The following DLGAP1 variants were observed in gnomAD, a reference collection of about 807,000 sequenced individuals.
DLGAP1 encodes the protein DLG associated protein 1.
DLGAP1 carries 11 observed loss-of-function variants against 90.8 expected under a neutral mutation model. That is an observed-to-expected ratio of 0.12 (90% CI 0.08 to 0.20). The LOEUF (loss-of-function observed/expected upper bound fraction) is 0.20. Ranked by LOEUF, DLGAP1 falls within the 10% of genes least tolerant of loss-of-function variation. DLGAP1 has a pLI of 1.00. For missense variants in DLGAP1, 1,050 were observed against 1,333.8 expected, an observed-to-expected ratio of 0.79 and a Z score of 3.31; for synonymous variants, 558 against 540.7, an observed-to-expected ratio of 1.03 and a Z score of -0.44.
chr18:4,025,480 C>T (rs567811482), intron 2 of DLGAP1, among the ~76,000 whole-genome samples: 53 of 152,230 alleles, frequency 3.5e-4, no homozygotes, highest in Admixed American at 9.8e-4. Context: ...AGATAAGGGA[C>T]ACTCAACCTG....
intron 2 of DLGAP1, among the ~76,000 whole-genome samples, chr18:4,122,024 A>G (rs548804105): frequency 3.2e-4 from 49 of 152,194 alleles, no homozygotes; most frequent in Non-Finnish European, 6.2e-4. Flanking sequence ...TGACTCCAGC[A>G]TCTGTGAGTT....
chr18:4,264,840 T>A (rs954864055), intron 1 of DLGAP1: 1 of 152,222 alleles, frequency 6.6e-6, no homozygotes, highest in Non-Finnish European at 1.5e-5. Flanking sequence ...AGGGAGCAGA[T>A]GGCAAGGCTT....
At chr18:4,142,877 T>C (rs978958078) in intron 2 of DLGAP1, among the ~76,000 whole-genome samples, 1 of 152,178 alleles carries the variant, frequency 6.6e-6, no homozygotes, top group Admixed American at 6.5e-5. Flanking sequence ...ACAGAGGTGC[T>C]GCCTTGGTGG....
chr18:3,957,499 A>C (rs1368072972), intron 3 of DLGAP1, among the ~76,000 whole-genome samples: 1 of 152,252 alleles, frequency 6.6e-6, no homozygotes, highest in East Asian at 1.9e-4. Flanking sequence ...TCAGGGGATG[A>C]CACGTTCTAA....
chr18:3,518,569 GC>G (rs2050983758), intron 10 of DLGAP1, among the ~76,000 whole-genome samples: 1 of 151,176 alleles, frequency 6.6e-6, no homozygotes, highest in South Asian at 2.1e-4. Context: ...ATAAAGCAAT[GC>G]CAATAAAATG....
intron 4 of DLGAP1, among the ~76,000 whole-genome samples, chr18:3,826,476 C>G (rs1910870169): frequency 1.3e-5 from 2 of 152,238 alleles, no homozygotes; most frequent in South Asian, 4.2e-4. Context: ...CCTCTAGGTA[C>G]CGACTGACTG....
intron 2 of DLGAP1, among the ~76,000 whole-genome samples, chr18:4,027,666 G>T (rs1906637262): frequency 6.6e-6 from 1 of 152,108 alleles, no homozygotes; most frequent in Non-Finnish European, 1.5e-5. Context: ...GTAGGAAGAA[G>T]TGATTTCCAT....
chr18:3,596,262 C>T (rs1034900736), intron 7 of DLGAP1, among the ~76,000 whole-genome samples: 5 of 152,010 alleles, frequency 3.3e-5, no homozygotes, highest in Non-Finnish European at 1.5e-5. Flanking sequence ...CAGGTTCAAA[C>T]GATTCTCCTG....
At chr18:4,045,973 C>T (rs1221077715) in intron 2 of DLGAP1, among the ~76,000 whole-genome samples, 1 of 151,938 alleles carries the variant, frequency 6.6e-6, no homozygotes, top group African/African-American at 2.4e-5. Flanking sequence ...AAAAACCAGA[C>T]ACTACTTTAA....
chr18:3,639,818 G>A (rs1014685743), intron 7 of DLGAP1, among the ~76,000 whole-genome samples: 1 of 136,534 alleles, frequency 7.3e-6, no homozygotes, highest in Non-Finnish European at 1.5e-5. Context: ...GCAGTGGCGC[G>A]ATCTCGGCTC....
intron 1 of DLGAP1, among the ~76,000 whole-genome samples, chr18:4,153,088 A>C (rs1241302343): frequency 6.6e-6 from 1 of 152,224 alleles, no homozygotes; most frequent in African/African-American, 2.4e-5. Context: ...GAAGAAATTC[A>C]TTTTATTATA....
chr18:3,766,338 G>A (rs1439313370), intron 5 of DLGAP1, among the ~76,000 whole-genome samples: 1 of 152,098 alleles, frequency 6.6e-6, no homozygotes, highest in Non-Finnish European at 1.5e-5. Context: ...TGAAAAAGCT[G>A]ATAGAACTGA....
At chr18:4,100,950 G>A (rs949118626) in intron 2 of DLGAP1, among the ~76,000 whole-genome samples, 1 of 152,166 alleles carries the variant, frequency 6.6e-6, no homozygotes, top group Non-Finnish European at 1.5e-5. Context: ...GAATGTTGTG[G>A]CTGGTTTGAT....
intron 1 of DLGAP1, among the ~76,000 whole-genome samples, chr18:4,306,491 A>G (rs2080268018): frequency 6.6e-6 from 1 of 151,400 alleles, no homozygotes; most frequent in Non-Finnish European, 1.5e-5. Context: ...CAGAGAAGAA[A>G]ATAAAGAAGA....
chr18:3,860,310 T>A (rs1353476399), intron 4 of DLGAP1, among the ~76,000 whole-genome samples: 1 of 152,172 alleles, frequency 6.6e-6, no homozygotes, highest in East Asian at 1.9e-4. Flanking sequence ...ACTGTGTTTT[T>A]TCAGGCATAA....
intron 7 of DLGAP1, among the ~76,000 whole-genome samples, chr18:3,645,433 C>T (rs2032348662): frequency 1.3e-5 from 2 of 152,096 alleles, no homozygotes; most frequent in African/African-American, 4.8e-5. Flanking sequence ...AAATGTATTT[C>T]CAACCAGCAT....
At chr18:3,809,502 A>AGGC (rs1409186960) in intron 5 of DLGAP1, among the ~76,000 whole-genome samples, 1 of 152,210 alleles carries the variant, frequency 6.6e-6, no homozygotes, top group Non-Finnish European at 1.5e-5. Flanking sequence ...TAGAACTGAA[A>AGGC]ATAAATCTTC....
Position 3,844,769 on chromosome 18 carries a change from G to C in DLGAP1, c.958-30496C>G, listed in dbSNP as rs192770802. ...ATTACTACCTTCTCTAGAATAACAT[G>C]TACTTAGAAATGAAATGATTCAGAA... On this transcript the variant is annotated intron_variant, in intron 4 of 12. Transcript: ENST00000315677. Among the ~76,000 whole-genome samples, 420 of 152,246 alleles carry C rather than the reference G, an allele frequency of 2.8e-3. 2 individuals carry two copies. Among genetic ancestry groups the C allele is most frequent in the Non-Finnish European group, 5.0e-3 (339 of 68,012 alleles).
intron 7 of DLGAP1, among the ~76,000 whole-genome samples, chr18:3,703,976 A>G (rs991300800): frequency 6.6e-6 from 1 of 152,202 alleles, no homozygotes; most frequent in Non-Finnish European, 1.5e-5. Flanking sequence ...TCATGGCTAT[A>G]TCAGGCAATT....
Sources: gnomAD v4.1 joint callset for allele counts (sites outside exome capture counted in the v4.1 genomes callset) on GRCh38, gnomAD v4.1.1 for gene constraint, MANE v1.5 for transcripts, NCBI Gene and HGNC (gene_info 2026-07-23, HGNC 2026-07-21) for gene names.